PIP4K2A: variants seen among roughly 807,000 people sequenced by gnomAD.
The protein encoded by PIP4K2A is phosphatidylinositol-5-phosphate 4-kinase type 2 alpha.
Under a neutral mutation model 42.9 loss-of-function variants are expected in PIP4K2A, and 14 were observed. The ratio of observed to expected loss-of-function variants is 0.33; its 90% CI spans 0.22 to 0.51. PIP4K2A has a LOEUF of 0.51. Ranked by LOEUF, PIP4K2A falls within the 20% of genes least tolerant of loss-of-function variation. The pLI is 0.97. For missense variants in PIP4K2A, 434 were observed against 519.8 expected (o/e 0.83, Z 1.61); for synonymous variants, 192 against 192.2 (o/e 1.00, Z 0.01).
intron 1 of PIP4K2A, among the ~76,000 whole-genome samples, chr10:22,655,625 A>G (rs1839085152): frequency 6.6e-6 from 1 of 152,242 alleles, no homozygotes; most frequent in South Asian, 2.1e-4. Flanking sequence ...TCCTGTAAAC[A>G]ATTCTGCAGC....
intron 1 of PIP4K2A, among the ~76,000 whole-genome samples, chr10:22,660,966 TAACA>T (rs1170617998): frequency 6.6e-6 from 1 of 152,186 alleles, no homozygotes; most frequent in Non-Finnish European, 1.5e-5. Context: ...TCATCAATTG[TAACA>T]AACAAGCCAC....
At chr10:22,635,801 G>C (rs1564450536) in intron 1 of PIP4K2A, among the ~76,000 whole-genome samples, 1 of 152,174 alleles carries the variant, frequency 6.6e-6, no homozygotes, top group Non-Finnish European at 1.5e-5. Flanking sequence ...GCAGGACCAA[G>C]CAACAGGTGC....
At chr10:22,581,536 G>T in intron 4 of PIP4K2A, among the ~76,000 whole-genome samples, 1 of 119,108 alleles carries the variant, frequency 8.4e-6, no homozygotes, top group Middle Eastern at 8.3e-3. Flanking sequence ...TTTGAGATCA[G>T]CCAGGGCAAC....
rs530606972 is a variant in PIP4K2A at position 22,592,842 on chromosome 10, G to A, written c.340-1061C>T. Among the ~76,000 whole-genome samples the A allele has an allele frequency of 2.1e-3, 317 of 152,284 alleles. 1 individual carries two copies. The highest frequency in any genetic ancestry group is 3.3e-3 in the Non-Finnish European group (225 of 68,020). ...ACTTTCACTCCTTGCCTGGCCCTGC[G>A]GGATGGCCTGTGTGGGATTCAAAGG... On this transcript the variant is annotated intron_variant, in intron 3 of 9. Transcript: ENST00000376573.
intron 6 of PIP4K2A, among the ~76,000 whole-genome samples, chr10:22,565,323 C>T (rs975755471): frequency 1.2e-4 from 19 of 152,170 alleles, no homozygotes; most frequent in Admixed American, 5.2e-4. Flanking sequence ...ACGGAGGGAC[C>T]GGCTAAAGCC....
chr10:22,584,964 G>T (rs901102802), intron 4 of PIP4K2A, among the ~76,000 whole-genome samples: 2 of 152,144 alleles, frequency 1.3e-5, no homozygotes, highest in African/African-American at 4.8e-5. Context: ...ACTCACCGGG[G>T]GCACATGAGC....
At chr10:22,651,124 T>A (rs1389145134) in intron 1 of PIP4K2A, among the ~76,000 whole-genome samples, 1 of 152,166 alleles carries the variant, frequency 6.6e-6, no homozygotes, top group Non-Finnish European at 1.5e-5. Context: ...CAGAAAACCA[T>A]GCCCTGAGTC....
chr10:22,596,283 G>A (rs984234603), intron 3 of PIP4K2A, among the ~76,000 whole-genome samples: 4 of 150,810 alleles, frequency 2.7e-5, no homozygotes, highest in African/African-American at 7.3e-5. Context: ...CATGGGCCTC[G>A]GAAGGTGACT....
intron 4 of PIP4K2A, among the ~76,000 whole-genome samples, chr10:22,584,541 C>G (rs76440578): frequency 1.3e-5 from 2 of 152,040 alleles, no homozygotes; most frequent in African/African-American, 4.8e-5. Flanking sequence ...AACTTCCAGA[C>G]CCTGGAGAAG....
chr10:22,642,780 T>C (rs1376595346), intron 1 of PIP4K2A, among the ~76,000 whole-genome samples: 3 of 152,080 alleles, frequency 2.0e-5, no homozygotes, highest in East Asian at 1.9e-4. Flanking sequence ...AAAGTCTCTG[T>C]GGTCCAGGTA....
intron 1 of PIP4K2A, among the ~76,000 whole-genome samples, chr10:22,619,290 G>C (rs1395165061): frequency 6.6e-6 from 1 of 152,170 alleles, no homozygotes; most frequent in Non-Finnish European, 1.5e-5. Flanking sequence ...AGGTTTCAGA[G>C]GGACAGGCAG....
At chr10:22,553,535 T>G (rs9783118) in intron 6 of PIP4K2A, among the ~76,000 whole-genome samples, 8,441 of 152,264 alleles carry the variant, frequency 0.055, 762 homozygotes, top group African/African-American at 0.19. Flanking sequence ...TTAACTATTA[T>G]TCACGTTTTA....
At chr10:22,541,730 T>A in intron 8 of PIP4K2A, 74 bp downstream of exon 8, 5 of 1,473,992 alleles carry the variant, frequency 3.4e-6, no homozygotes, top group Non-Finnish European at 4.5e-6. Context: ...ACTGGGGTAG[T>A]GCTTACTGGT....
chr10:22,580,687 CAT>C (rs760919743), intron 4 of PIP4K2A, among the ~76,000 whole-genome samples: 2 of 152,212 alleles, frequency 1.3e-5, no homozygotes, highest in African/African-American at 2.4e-5. Context: ...CTCTCTTCCA[CAT>C]GTTTAACTTC....
chr10:22,670,466 G>A (rs1024388756), intron 1 of PIP4K2A, among the ~76,000 whole-genome samples: 7 of 152,076 alleles, frequency 4.6e-5, no homozygotes, highest in East Asian at 1.9e-4. Flanking sequence ...TCCTTCTATG[G>A]GGTGTTCACT....
chr10:22,548,319 T>C (rs1221165097), intron 7 of PIP4K2A, among the ~76,000 whole-genome samples: 2 of 152,234 alleles, frequency 1.3e-5, no homozygotes, highest in Non-Finnish European at 2.9e-5. Flanking sequence ...TATAGAGTCC[T>C]CTAATCAATG....
rs1225285902 is a variant in PIP4K2A, at chr10:22,591,748, C to T, written c.373G>A (p.Asp125Asn). 3 of 1,612,182 alleles carry T rather than the reference C, an allele frequency of 1.9e-6. No homozygotes were observed. The highest frequency in any genetic ancestry group is 1.7e-6 in the Non-Finnish European group (2 of 1,178,946). Residue 125 changes from aspartate to asparagine, a missense_variant, in exon 4 of 10, where the codon GAC (aspartate) becomes AAC (asparagine). Coordinates refer to ENST00000376573, the MANE Select transcript of PIP4K2A (RefSeq NM_005028.5). Reference protein sequence around the residue: ...SLTRSAPLPNDSQARSGARFH... With the variant: ...SLTRSAPLPNNSQARSGARFH... ...CGAGCTCCACTGCGGGCCTGGGAGT[C>T]GTTGGGGAGGGGTGCGCTCCTGGTC...
chr10:22,548,598 C>A lies in PIP4K2A; in HGVS notation c.792+2061G>T, dbSNP rs115154973. 9.1e-3 allele frequency among the ~76,000 whole-genome samples: 1,387 copies of A among 152,264 alleles called. 15 individuals carry two copies. Among genetic ancestry groups the A allele is most frequent in the Middle Eastern group, 0.048 (14 of 294 alleles). On this transcript the variant is annotated intron_variant, in intron 7 of 9. Transcript: ENST00000376573. ...TACTAAGGATACTTATCAGTTGGATCAAACAGATCCCAAAGCAAGGGGGAA... is the reference window on the plus strand; with the variant it reads ...TACTAAGGATACTTATCAGTTGGATAAAACAGATCCCAAAGCAAGGGGGAA...
intron 1 of PIP4K2A, among the ~76,000 whole-genome samples, chr10:22,708,655 G>A (rs1044401759): frequency 1.3e-5 from 2 of 152,124 alleles, no homozygotes; most frequent in African/African-American, 2.4e-5. Flanking sequence ...ATCCTTAGTG[G>A]TAAAGTTCTT....
Sources: gnomAD v4.1 joint callset for allele counts (sites outside exome capture counted in the v4.1 genomes callset) on GRCh38, gnomAD v4.1.1 for gene constraint, MANE v1.5 for transcripts, NCBI Gene and HGNC (gene_info 2026-07-23, HGNC 2026-07-21) for gene names.